TMOD2: variants seen among roughly 807,000 people sequenced by gnomAD.
TMOD2 encodes the protein tropomodulin 2, also known as tropomodulin-2.
TMOD2 carries 22 observed loss-of-function variants against 39.9 expected under a neutral mutation model. The ratio of observed to expected loss-of-function variants is 0.55; its 90% CI spans 0.39 to 0.79. TMOD2 has a LOEUF of 0.79. Ranked by LOEUF, TMOD2 falls within the 30% of genes least tolerant of loss-of-function variation. The pLI is 0.00. For missense variants in TMOD2, 386 were observed against 413.3 expected (o/e 0.93, Z 0.57); for synonymous variants, 123 against 146.1 (o/e 0.84, Z 1.14).
intron 8 of TMOD2, among the ~76,000 whole-genome samples, chr15:51,806,032 G>A (rs2056119351): frequency 6.6e-6 from 1 of 152,176 alleles, no homozygotes; most frequent in African/African-American, 2.4e-5. Context: ...AACACCCTTT[G>A]TTTAAACCAC....
chr15:51,759,894 A>G (rs2055768883), intron 1 of TMOD2, among the ~76,000 whole-genome samples: 1 of 152,226 alleles, frequency 6.6e-6, no homozygotes, highest in African/African-American at 2.4e-5. Context: ...GAGGCCAGCC[A>G]GGGGCAGGCA....
At chr15:51,775,566 TTTCC>T (rs1447239495) in intron 4 of TMOD2, among the ~76,000 whole-genome samples, 3 of 121,896 alleles carry the variant, frequency 2.5e-5, no homozygotes, top group Non-Finnish European at 3.6e-5. Context: ...ACAAATTCTT[TTTCC>T]TTTTTTTTTT....
chr15:51,793,986 C>T (rs2056030534), intron 7 of TMOD2, among the ~76,000 whole-genome samples: 1 of 152,202 alleles, frequency 6.6e-6, no homozygotes, highest in South Asian at 2.1e-4. Flanking sequence ...TAGTGTAAAT[C>T]CAAATTGTTG....
intron 7 of TMOD2, chr15:51,783,656 A>C (rs955383243): frequency 6.6e-6 from 1 of 152,100 alleles, no homozygotes; most frequent in African/African-American, 2.4e-5. Flanking sequence ...TAGGAGGCTG[A>C]GGTGAGACAA....
At chr15:51,783,871 C>G (rs1427085361) in intron 7 of TMOD2, 2 of 152,140 alleles carry the variant, frequency 1.3e-5, no homozygotes, top group Admixed American at 6.5e-5. Context: ...AGCCCCTTGT[C>G]CCAGGTAAAT....
intron 8 of TMOD2, among the ~76,000 whole-genome samples, chr15:51,799,795 T>C (rs1296537914): frequency 6.6e-6 from 1 of 152,146 alleles, no homozygotes. Flanking sequence ...TCAGGGATAT[T>C]TGTTGAATAG....
At chr15:51,753,281 G>A (rs2055719661) in intron 1 of TMOD2, among the ~76,000 whole-genome samples, 1 of 152,306 alleles carries the variant, frequency 6.6e-6, no homozygotes, top group Admixed American at 6.5e-5. Context: ...TTATTTCAAA[G>A]TATCTCACCA....
chr15:51,814,306 C>A lies in TMOD2; in HGVS notation c.*5852C>A, dbSNP rs377105563. ...TAATGCCTAGCAGCTGAGTAACAGG[C>A]ATTAGTTCTGATAGATAGTGAAGGG... is the stretch of plus-strand genomic sequence containing the variant. On this transcript the variant is annotated 3_prime_UTR_variant, in exon 10 of 10. Coordinates refer to ENST00000249700, the MANE Select transcript of TMOD2 (RefSeq NM_014548.4). 6.6e-6 allele frequency: 1 copy of A among 152,270 alleles called. No individual in the cohort carries two copies. The allele number at this position is 152,270 out of a possible 1,614,324, so 9.4% of individuals were successfully genotyped here.
intron 2 of TMOD2, 119 bp downstream of exon 2, chr15:51,766,686 C>T: frequency 8.8e-7 from 1 of 1,134,676 alleles, no homozygotes; most frequent in Non-Finnish European, 1.3e-6. Flanking sequence ...TTTTCTTCCT[C>T]TGATTGGTTC....
chr15:51,754,232 C>T (rs1425802593), intron 1 of TMOD2, among the ~76,000 whole-genome samples: 1 of 152,110 alleles, frequency 6.6e-6, no homozygotes, highest in South Asian at 2.1e-4. Context: ...TCTCTGTGTC[C>T]GAGATCTGTG....
At chr15:51,784,992 A>T (rs2055958134) in intron 7 of TMOD2, 1 of 152,248 alleles carries the variant, frequency 6.6e-6, no homozygotes, top group Admixed American at 6.5e-5. Flanking sequence ...AATCACTTTG[A>T]TGCTGTTTTT....
At chr15:51,786,911 G>A (rs969117279) in intron 7 of TMOD2, among the ~76,000 whole-genome samples, 5 of 152,226 alleles carry the variant, frequency 3.3e-5, no homozygotes, top group Non-Finnish European at 7.3e-5. Flanking sequence ...CAGTGAGATC[G>A]ACGCAGAAGA....
chr15:51,785,294 C>T (rs2055960993), intron 7 of TMOD2, among the ~76,000 whole-genome samples: 1 of 151,544 alleles, frequency 6.6e-6, no homozygotes, highest in African/African-American at 2.4e-5. Context: ...CGCCTGTAGT[C>T]CCAGCTACTC....
chr15:51,771,675 G>T (rs1231778338), intron 3 of TMOD2, among the ~76,000 whole-genome samples: 1 of 151,984 alleles, frequency 6.6e-6, no homozygotes, highest in East Asian at 1.9e-4. Flanking sequence ...TAAAAACAAA[G>T]AAAGAAAGAA....
rs141896565 is a variant in TMOD2 at position 51,813,077 on chromosome 15, A to C, written c.*4623A>C. On this transcript the variant is annotated 3_prime_UTR_variant, in exon 10 of 10. Transcript: ENST00000249700. ...GCCAAGAACTTCAGGGATATTATTC[A>C]CTGCTTTATTGCTCCCTAACCCTAG... The C allele has an allele frequency of 6.6e-6, 1 of 152,320 alleles. No individual in the cohort carries two copies. The highest frequency in any genetic ancestry group is 2.4e-5 in the African/African-American group (1 of 41,574). The allele number at this position is 152,320 out of a possible 1,614,324, so 9.4% of individuals were successfully genotyped here. A position where few individuals can be genotyped will look rare whatever the true frequency, so the allele number is the denominator to read the frequency against.
At chr15:51,778,024 A>G (rs2055900925) in intron 5 of TMOD2, among the ~76,000 whole-genome samples, 2 of 151,680 alleles carry the variant, frequency 1.3e-5, no homozygotes, top group Non-Finnish European at 2.9e-5. Context: ...GCTGCTATAA[A>G]GACACATGCA....
At chr15:51,771,891 G>A (rs1218369458) in intron 3 of TMOD2, among the ~76,000 whole-genome samples, 2 of 152,210 alleles carry the variant, frequency 1.3e-5, no homozygotes, top group East Asian at 1.9e-4. Context: ...GAGAAATGTG[G>A]CAGCTAAAGT....
chr15:51,762,873 A>G (rs1182067992), intron 1 of TMOD2, among the ~76,000 whole-genome samples: 1 of 152,218 alleles, frequency 6.6e-6, no homozygotes, highest in Non-Finnish European at 1.5e-5. Flanking sequence ...GTGTACATCA[A>G]TAGTTCATTC....
intron 1 of TMOD2, among the ~76,000 whole-genome samples, chr15:51,757,640 G>A (rs1036504184): frequency 1.3e-5 from 2 of 152,252 alleles, no homozygotes; most frequent in East Asian, 3.9e-4. Flanking sequence ...CATGTTAAAT[G>A]CTTGCCATGG....
Sources: allele counts gnomAD v4.1 joint callset (sites outside exome capture counted in the v4.1 genomes callset), GRCh38; gene constraint gnomAD v4.1.1; transcripts MANE v1.5; gene names NCBI Gene and HGNC (gene_info 2026-07-23, HGNC 2026-07-21).